The following MGAT5 variants were observed in gnomAD, a reference collection of about 807,000 sequenced individuals.
MGAT5 encodes alpha-1,6-mannosylglycoprotein 6-beta-N-acetylglucosaminyltransferase A.
MGAT5 carries 30 observed loss-of-function variants against 94.3 expected under a neutral mutation model. The ratio of observed to expected loss-of-function variants is 0.32; its 90% CI spans 0.24 to 0.43. MGAT5 has a LOEUF of 0.43. MGAT5 is among the 20% of genes least tolerant of loss of function. The pLI is 1.00. For missense variants in MGAT5, 691 were observed against 905.5 expected (o/e 0.76, Z 3.04); for synonymous variants, 310 against 322.9 (o/e 0.96, Z 0.43).
At chr2:134,189,650 G>A (rs1689269463) in intron 1 of MGAT5, among the ~76,000 whole-genome samples, 1 of 132,210 alleles carries the variant, frequency 7.6e-6, no homozygotes, top group Admixed American at 8.4e-5. Flanking sequence ...TTGCCAGGCT[G>A]AAGTGCAATG....
intron 15 of MGAT5, among the ~76,000 whole-genome samples, chr2:134,445,494 C>G (rs999484896): frequency 6.6e-6 from 1 of 152,106 alleles, no homozygotes; most frequent in Admixed American, 6.5e-5. Flanking sequence ...GCACTCGCCT[C>G]CTGTCCAGCG....
chr2:134,354,191 A>G (rs989336749), intron 9 of MGAT5, among the ~76,000 whole-genome samples: 3 of 152,244 alleles, frequency 2.0e-5, no homozygotes, highest in Admixed American at 2.0e-4. Flanking sequence ...TAATCATTAT[A>G]TAATTTCTGT....
At chr2:134,169,528 C>T (rs1414678671) in intron 1 of MGAT5, among the ~76,000 whole-genome samples, 1 of 152,062 alleles carries the variant, frequency 6.6e-6, no homozygotes, top group Non-Finnish European at 1.5e-5. Flanking sequence ...AAGAAAATTA[C>T]AGCATAATCC....
At chr2:134,440,101 C>T (rs763015407) in intron 14 of MGAT5, among the ~76,000 whole-genome samples, 2 of 152,154 alleles carry the variant, frequency 1.3e-5, no homozygotes, top group African/African-American at 2.4e-5. Context: ...CTCCTCACCC[C>T]CGAGTCCTCC....
At chr2:134,365,837 A>G (rs1338076009) in intron 10 of MGAT5, among the ~76,000 whole-genome samples, 4 of 152,140 alleles carry the variant, frequency 2.6e-5, no homozygotes, top group Non-Finnish European at 5.9e-5. Flanking sequence ...ATGCCTATCA[A>G]GAAAAACAAG....
intron 1 of MGAT5, among the ~76,000 whole-genome samples, chr2:134,191,391 C>T (rs570408241): frequency 4.6e-5 from 7 of 152,118 alleles, no homozygotes; most frequent in Non-Finnish European, 8.8e-5. Flanking sequence ...ATGAGGTTAT[C>T]GCGGGAGCGC....
chr2:134,346,027 A>T (rs993619537), intron 8 of MGAT5, among the ~76,000 whole-genome samples: 1 of 152,232 alleles, frequency 6.6e-6, no homozygotes, highest in Non-Finnish European at 1.5e-5. Flanking sequence ...AAAAAGCAAA[A>T]CTAAAAACTT....
intron 10 of MGAT5, among the ~76,000 whole-genome samples, chr2:134,388,497 G>A (rs1390836226): frequency 6.6e-6 from 1 of 150,736 alleles, no homozygotes; most frequent in African/African-American, 2.4e-5. Context: ...TTTTAATATT[G>A]AAATATACAG....
chr2:134,270,334 C>T lies in MGAT5; in HGVS notation c.242-52C>T, dbSNP rs1683953399. The T allele has an allele frequency of 3.9e-6, 6 of 1,534,144 alleles. No homozygotes were observed. In the South Asian group the frequency reaches 7.1e-5, roughly 18 times the overall value. Reference sequence around the variant, plus strand: ...CACGATAAAGAGAGAGCAAGCCAGACAGATATGTAGAGGCCATAGAATTTT... The same window carrying T: ...CACGATAAAGAGAGAGCAAGCCAGATAGATATGTAGAGGCCATAGAATTTT... On this transcript the variant is annotated intron_variant, in intron 1 of 15. Coordinates refer to ENST00000281923, the MANE Select transcript of MGAT5 (RefSeq NM_002410.5).
In MGAT5 at chr2:134,189,607, T is replaced by TTTTTTTTTTTTTTTTTTTTTTTTTTTG. The variant is rs1553490420; in HGVS notation, c.-142-64642_-142-64641insTTTTTTTTTTTTTGTTTTTTTTTTTTT. ...CATGGCTCTAGTTTTTTTTTGTTTT[T>TTTTTTTTTTTTTTTTTTTTTTTTTTTG]TTTTTTTTTTTTTAAGACAGAGTCT... On this transcript the variant is annotated intron_variant, in intron 1 of 16. Coordinates refer to the MGAT5 transcript ENST00000409645. Among the ~76,000 whole-genome samples the TTTTTTTTTTTTTTTTTTTTTTTTTTTG allele has an allele frequency of 3.1e-4, 25 of 80,604 alleles. 1 individual carries two copies. The highest frequency in any genetic ancestry group is 4.4e-4 in the Non-Finnish European group (19 of 42,852). 52.9% of individuals were successfully genotyped at this position (80,604 alleles called of 152,430 possible). A position where few individuals can be genotyped will look rare whatever the true frequency, so the allele number is the denominator to read the frequency against.
Position 134,385,620 on chromosome 2 carries a change from T to G in MGAT5, c.1381-17368T>G, listed in dbSNP as rs887033052. On this transcript the variant is annotated intron_variant, in intron 10 of 15. Coordinates refer to ENST00000281923, the MANE Select transcript of MGAT5 (RefSeq NM_002410.5). ...AAGTGGAGGGCAGAGGACAACATAGTTTTTAATGCCACCAAAATTCGAGGT... is the reference window on the plus strand; with the variant it reads ...AAGTGGAGGGCAGAGGACAACATAGGTTTTAATGCCACCAAAATTCGAGGT... Among the ~76,000 whole-genome samples, 13 of 152,172 alleles carry G rather than the reference T, an allele frequency of 8.5e-5. 1 individual carries two copies. The highest frequency in any genetic ancestry group is 7.2e-4 in the Admixed American group (11 of 15,276).
Position 134,336,206 on chromosome 2 carries a change from A to G in MGAT5, c.574-11A>G, listed in dbSNP as rs1209518986. 6.2e-7 allele frequency: 1 copy of G among 1,610,194 alleles called. No homozygotes were observed. Among genetic ancestry groups the G allele is most frequent in the Non-Finnish European group, 8.5e-7 (1 of 1,177,504 alleles). ...TGAAGCTGCATATTTAGTGTCACTG[A>G]TGCTTTTTAGGTTGAAAATTGGTGT... On this transcript the variant is annotated splice_polypyrimidine_tract_variant and intron_variant, in intron 4 of 15. Transcript: ENST00000281923.
chr2:134,400,897 T>C (rs1444618196), intron 10 of MGAT5, among the ~76,000 whole-genome samples: 3 of 151,990 alleles, frequency 2.0e-5, no homozygotes, highest in African/African-American at 4.8e-5. Context: ...AGTAAAAATA[T>C]GGGGTGGGGT....
At chr2:134,373,367 C>G (rs1455900175) in intron 10 of MGAT5, among the ~76,000 whole-genome samples, 1 of 152,170 alleles carries the variant, frequency 6.6e-6, no homozygotes, top group Non-Finnish European at 1.5e-5. Flanking sequence ...GATTGTTTCC[C>G]TCAAGTGAGG....
intron 1 of MGAT5, among the ~76,000 whole-genome samples, chr2:134,140,656 G>A (rs1320939109): frequency 6.6e-6 from 1 of 152,210 alleles, no homozygotes; most frequent in Non-Finnish European, 1.5e-5. Flanking sequence ...CATGTCATAA[G>A]CAGTCCCATT....
intron 4 of MGAT5, among the ~76,000 whole-genome samples, chr2:134,334,962 A>G (rs1392746945): frequency 1.3e-5 from 2 of 152,164 alleles, no homozygotes; most frequent in Admixed American, 6.6e-5. Context: ...AGATAAGAGA[A>G]TATTTCACTT....
At chr2:134,402,915 T>A (rs1419418760) in intron 10 of MGAT5, 73 bp from the exon 11 acceptor site, 2 of 1,441,712 alleles carry the variant, frequency 1.4e-6, no homozygotes, top group African/African-American at 1.4e-5. Context: ...TCTTAGAAGT[T>A]CTAGTCCATG....
At chr2:134,291,580 A>T (rs1166148712) in intron 2 of MGAT5, among the ~76,000 whole-genome samples, 1 of 152,202 alleles carries the variant, frequency 6.6e-6, no homozygotes, top group East Asian at 1.9e-4. Flanking sequence ...AGCATTCATG[A>T]CAAGGAACAG....
In MGAT5 at chr2:134,406,899, G is replaced by T. The variant is rs1266111140; in HGVS notation, c.1530+3762G>T. Among the ~76,000 whole-genome samples the T allele has an allele frequency of 1.3e-5, 2 of 152,192 alleles. 1 individual carries two copies. Among genetic ancestry groups the T allele is most frequent in the Non-Finnish European group, 2.9e-5 (2 of 68,000 alleles). On this transcript the variant is annotated intron_variant, in intron 11 of 15. Coordinates refer to ENST00000281923, the MANE Select transcript of MGAT5 (RefSeq NM_002410.5). ...GAGGGAGACCCTGTCTTTAAAAAAGGCTGTCTGAAATACCCAGGGCTTGAG... is the reference window on the plus strand; with the variant it reads ...GAGGGAGACCCTGTCTTTAAAAAAGTCTGTCTGAAATACCCAGGGCTTGAG...
Sources: gnomAD v4.1 joint callset for allele counts (sites outside exome capture counted in the v4.1 genomes callset) on GRCh38, gnomAD v4.1.1 for gene constraint, MANE v1.5 for transcripts, NCBI Gene and HGNC (gene_info 2026-07-23, HGNC 2026-07-21) for gene names.